Variants in FUT2 observed in about 807,000 individuals in gnomAD.
FUT2 encodes the protein galactoside alpha-(1,2)-fucosyltransferase 2.
For synonymous variants in FUT2, 182 were observed against 193.1 expected (o/e 0.94, Z 0.48); for missense variants, 419 against 465.8 (o/e 0.90, Z 0.93).
At chr19:48,700,390 G>C (rs1286189132) in intron 1 of FUT2, among the ~76,000 whole-genome samples, 1 of 151,050 alleles carries the variant, frequency 6.6e-6, no homozygotes, top group Non-Finnish European at 1.5e-5. Flanking sequence ...GCAGTGGCGC[G>C]ATCTCGGCTC....
At chr19:48,702,081 C>A (rs1194558202) in intron 1 of FUT2, among the ~76,000 whole-genome samples, 2 of 152,032 alleles carry the variant, frequency 1.3e-5, no homozygotes, top group Non-Finnish European at 2.9e-5. Flanking sequence ...CATATGTACA[C>A]TCAGTCGATA....
Position 48,703,108 on chromosome 19 carries a change from C to T in FUT2, c.152C>T (p.Thr51Ile). 6.2e-7 allele frequency: 1 copy of T among 1,613,482 alleles called. No homozygotes were observed. Among genetic ancestry groups the T allele is most frequent in the Non-Finnish European group, 8.5e-7 (1 of 1,180,026 alleles). ...GTGCAGATACCAGTGCTAGCCTCAACATCAAAGGCACTGGGACCCAGCCAG... is the reference window on the plus strand; with the variant it reads ...GTGCAGATACCAGTGCTAGCCTCAATATCAAAGGCACTGGGACCCAGCCAG... ...LPVQIPVLAS[T>I]SKALGPSQLR... is the part of the protein sequence containing the mutation. Residue 51 changes from threonine (T) to isoleucine (I), a missense_variant, in exon 2 of 2, where the codon ACA becomes ATA. Coordinates refer to ENST00000425340, the MANE Select transcript of FUT2 (RefSeq NM_000511.6).
intron 1 of FUT2, among the ~76,000 whole-genome samples, chr19:48,699,057 A>G (rs1302692162): frequency 2.2e-5 from 3 of 135,382 alleles, no homozygotes; most frequent in African/African-American, 8.5e-5. Flanking sequence ...TTCCTCACCT[A>G]TCACAAAGTT....
At chr19:48,702,659 G>T (rs2032536516) in intron 1 of FUT2, among the ~76,000 whole-genome samples, 1 of 151,702 alleles carries the variant, frequency 6.6e-6, no homozygotes, top group Non-Finnish European at 1.5e-5. Flanking sequence ...ACACAATTTT[G>T]CACACACCTG....
At chr19:48,702,138 C>T (rs1162720069) in intron 1 of FUT2, among the ~76,000 whole-genome samples, 2 of 152,052 alleles carry the variant, frequency 1.3e-5, no homozygotes, top group Admixed American at 6.5e-5. Flanking sequence ...CAGTGGCTCA[C>T]GCCTATAATC....
In FUT2 at chr19:48,703,532, G is replaced by A. The variant is rs146896958; in HGVS notation, c.576G>A (p.Pro192=). Residue 192 remains proline, a synonymous_variant, in exon 2 of 2, where the codon CCG becomes CCA. Transcript: ENST00000425340. ...LRGLQVNGSR[P]GTFVGVHVRR... ...GCCTGCAGGTGAACGGGAGCCGGCCGGGCACCTTTGTAGGGGTCCATGTTC... is the reference window on the plus strand; with the variant it reads ...GCCTGCAGGTGAACGGGAGCCGGCCAGGCACCTTTGTAGGGGTCCATGTTC... 1.6e-4 allele frequency: 264 copies of A among 1,613,192 alleles called. 2 individuals carry two copies. In the African/African-American group the frequency reaches 2.7e-3, roughly 17 times the overall value.
At chr19:48,697,429 TGAGG>T (rs1352258058) in intron 1 of FUT2, among the ~76,000 whole-genome samples, 3 of 149,776 alleles carry the variant, frequency 2.0e-5, no homozygotes, top group Non-Finnish European at 4.4e-5. Context: ...TTTGGGAGGC[TGAGG>T]AAGGAGAACA....
chr19:48,701,257 C>T (rs2032511813), intron 1 of FUT2, among the ~76,000 whole-genome samples: 1 of 151,930 alleles, frequency 6.6e-6, no homozygotes, highest in Non-Finnish European at 1.5e-5. Context: ...AGCAATTCTC[C>T]TGCCTCAGCC....
rs2032572540 is a variant in FUT2 at position 48,703,604 on chromosome 19, G to A, written c.648G>A (p.Val216=). 6.2e-7 allele frequency: 1 copy of A among 1,613,532 alleles called. No individual in the cohort carries two copies. The highest frequency in any genetic ancestry group is 1.3e-5 in the African/African-American group (1 of 75,052). Reference sequence around the variant, plus strand: ...TCATGCCAAAAGTGTGGAAGGGGGTGGTGGCCGACCGGCGATACCTACAGC... The same window carrying A: ...TCATGCCAAAAGTGTGGAAGGGGGTAGTGGCCGACCGGCGATACCTACAGC... The part of the protein sequence containing the change: ...VHVMPKVWKG[V]VADRRYLQQA... Residue 216 remains valine, a synonymous_variant, in exon 2 of 2, where the codon GTG becomes GTA. Coordinates refer to ENST00000425340, the MANE Select transcript of FUT2 (RefSeq NM_000511.6).
chr19:48,702,904 C>T (rs8104460), intron 1 of FUT2, 51 bp from the exon 2 acceptor site: 1 of 1,580,938 alleles, frequency 6.3e-7, no homozygotes, highest in Non-Finnish European at 8.7e-7. Flanking sequence ...TTCACCAGCG[C>T]CCCGGGCCTC....
Position 48,703,822 on chromosome 19 carries a change from G to A in FUT2, c.866G>A (p.Gly289Glu), listed in dbSNP as rs1420976563. 6.2e-7 allele frequency: 1 copy of A among 1,613,470 alleles called. No homozygotes were observed. Among genetic ancestry groups the A allele is most frequent in the Non-Finnish European group, 8.5e-7 (1 of 1,180,024 alleles). ...TGTAACCACACCATCATGACCATTG[G>A]GACGTTCGGGATCTGGGCCGCATAC... Reference protein sequence around the residue: ...TQCNHTIMTIGTFGIWAAYLT... With the variant: ...TQCNHTIMTIETFGIWAAYLT... The change falls in exon 2 of 2, where the codon GGG becomes GAG. Residue 289 changes from glycine to glutamate, a missense_variant. Transcript: ENST00000425340.
chr19:48,697,941 G>A (rs529903370), intron 1 of FUT2, among the ~76,000 whole-genome samples: 13 of 149,312 alleles, frequency 8.7e-5, no homozygotes, highest in African/African-American at 2.7e-4. Flanking sequence ...TGATCCACCC[G>A]CCTCAGCCTA....
chr19:48,703,919 G>T lies in FUT2; in HGVS notation c.963G>T (p.Lys321Asn). 6.2e-7 allele frequency: 1 copy of T among 1,613,532 alleles called. No individual in the cohort carries two copies. Among genetic ancestry groups the T allele is most frequent in the Non-Finnish European group, 8.5e-7 (1 of 1,179,992 alleles). The part of the protein sequence containing the change: ...LPDSPFLKIF[K>N]PEAAFLPEWT... ...ACTCCCCTTTCCTCAAAATCTTTAA[G>T]CCAGAGGCAGCCTTCCTGCCGGAGT... The change falls in exon 2 of 2, where the codon AAG becomes AAT. Residue 321 changes from lysine (K) to asparagine (N), a missense_variant. Transcript: ENST00000425340.
chr19:48,700,212 T>A (rs1263446788), intron 1 of FUT2, among the ~76,000 whole-genome samples: 1 of 143,086 alleles, frequency 7.0e-6, no homozygotes, highest in African/African-American at 2.6e-5. Context: ...AAGACCATAA[T>A]CATACATATC....
chr19:48,705,106 C>CTTTTTTTTTTTTTTTTTTTTTTTTTTTT lies in FUT2; in HGVS notation c.*1122_*1123insTTTTTTTTTTTTTTTTTTTTTTTTTTTT, dbSNP rs750075953. The CTTTTTTTTTTTTTTTTTTTTTTTTTTTT allele has an allele frequency of 1.0e-4, 19 of 188,944 alleles. 3 individuals carry two copies. The highest frequency in any genetic ancestry group is 2.7e-4 in the African/African-American group (8 of 29,888). The allele number at this position is 188,944 out of a possible 1,614,324, so 11.7% of individuals were successfully genotyped here. A position where few individuals can be genotyped will look rare whatever the true frequency, so the allele number is the denominator to read the frequency against. ...GAGCTCACTGTTTTCTTTTCTTTTTCTTTTCTTTTTTTTTTTTTTTTTGAG... is the reference window on the plus strand; with the variant it reads ...GAGCTCACTGTTTTCTTTTCTTTTTCTTTTTTTTTTTTTTTTTTTTTTTTTTTTTTTTCTTTTTTTTTTTTTTTTTGAG... On this transcript the variant is annotated 3_prime_UTR_variant, in exon 2 of 2. Transcript: ENST00000425340.
rs2032565614 is a variant in FUT2, at chr19:48,703,471, A to G, written c.515A>G (p.Asp172Gly). ...ATCCTCCAGGAGTTCACCCTGCACG[A>G]CCACGTGCGGGAGGAGGCCCAGAAG... ...QEILQEFTLH[D>G]HVREEAQKFL... is the part of the protein sequence containing the mutation. The change falls in exon 2 of 2, where the codon GAC becomes GGC. Residue 172 changes from aspartate to glycine, a missense_variant. Coordinates refer to ENST00000425340, the MANE Select transcript of FUT2 (RefSeq NM_000511.6). The G allele has an allele frequency of 6.2e-7, 1 of 1,612,750 alleles. No individual in the cohort carries two copies. Among genetic ancestry groups the G allele is most frequent in the African/African-American group, 1.3e-5 (1 of 74,892 alleles).
chr19:48,702,722 G>T (rs367901245), intron 1 of FUT2, among the ~76,000 whole-genome samples: 1 of 152,020 alleles, frequency 6.6e-6, no homozygotes, highest in South Asian at 2.1e-4. Context: ...CAATGTGTAC[G>T]CATCTACCTG....
intron 1 of FUT2, among the ~76,000 whole-genome samples, chr19:48,699,399 T>C (rs756881022): frequency 6.6e-5 from 10 of 152,022 alleles, no homozygotes; most frequent in Non-Finnish European, 1.0e-4. Context: ...GGTTTCACTA[T>C]GTTGGCCAGA....
In FUT2 at chr19:48,703,840, C is replaced by T; in HGVS notation, c.884C>T (p.Ala295Val). ...IMTIGTFGIWAAYLTGGDTIY... is the reference protein window; with the variant it reads ...IMTIGTFGIWVAYLTGGDTIY... ...ACCATTGGGACGTTCGGGATCTGGG[C>T]CGCATACCTCACGGGCGGAGACACC... Residue 295 changes from alanine (A) to valine (V), a missense_variant, in exon 2 of 2, where the codon GCC becomes GTC. Ala to Val is a moderately conservative substitution (Grantham distance 64, BLOSUM62 0). Coordinates refer to ENST00000425340, the MANE Select transcript of FUT2 (RefSeq NM_000511.6). 6.2e-7 allele frequency: 1 copy of T among 1,613,636 alleles called. No homozygotes were observed. Among genetic ancestry groups the T allele is most frequent in the Non-Finnish European group, 8.5e-7 (1 of 1,180,028 alleles).
Sources: gnomAD v4.1 joint callset for allele counts (sites outside exome capture counted in the v4.1 genomes callset) on GRCh38, gnomAD v4.1.1 for gene constraint, MANE v1.5 for transcripts, NCBI Gene and HGNC (gene_info 2026-07-23, HGNC 2026-07-21) for gene names.